Variants in NCAM2 observed in about 807,000 individuals in gnomAD.
NCAM2 encodes the protein N-CAM-2.
Under a neutral mutation model 98.1 loss-of-function variants are expected in NCAM2, and 30 were observed. The observed-to-expected ratio is 0.31, with a 90% CI of 0.23 to 0.41. The LOEUF (loss-of-function observed/expected upper bound fraction) is 0.41. Ranked by LOEUF, NCAM2 falls within the 10% of genes least tolerant of loss-of-function variation. NCAM2 has a pLI of 1.00. For missense variants in NCAM2, 867 were observed against 1,005.8 expected (o/e 0.86, Z 1.87); for synonymous variants, 368 against 342.4 (o/e 1.07, Z -0.83).
At chr21:21,513,373 T>C (rs911274690) in intron 16 of NCAM2, among the ~76,000 whole-genome samples, 5 of 152,140 alleles carry the variant, frequency 3.3e-5, no homozygotes, top group Non-Finnish European at 7.4e-5. Flanking sequence ...CAGTATCCAA[T>C]AGGTTTTGGT....
At chr21:21,255,624 T>C (rs1449573109) in intron 1 of NCAM2, among the ~76,000 whole-genome samples, 2 of 152,202 alleles carry the variant, frequency 1.3e-5, no homozygotes, top group Non-Finnish European at 2.9e-5. Context: ...ATAATCGACT[T>C]CTCATATTTC....
At chr21:21,466,906 G>C (rs1983753929) in intron 13 of NCAM2, among the ~76,000 whole-genome samples, 181 bp downstream of exon 13, 2 of 151,926 alleles carry the variant, frequency 1.3e-5, no homozygotes, top group Admixed American at 6.6e-5. Flanking sequence ...CTTTGCTTTA[G>C]AGCAAGGCAG....
chr21:21,434,007 C>T (rs934408971), intron 12 of NCAM2, among the ~76,000 whole-genome samples: 24 of 152,142 alleles, frequency 1.6e-4, no homozygotes, highest in African/African-American at 5.5e-4. Context: ...AATAGGCTCC[C>T]TCCAGACTTC....
In NCAM2 at chr21:21,284,183, G is replaced by C. The variant is rs1472974797; in HGVS notation, c.131-11G>C. The C allele has an allele frequency of 2.5e-6, 4 of 1,596,658 alleles. No individual in the cohort carries two copies. The highest frequency in any genetic ancestry group is 2.7e-5 in the African/African-American group (2 of 74,472). The stretch of plus-strand genomic sequence containing the variant: ...AATTTTCAAACCTTTATTTTCCATG[G>C]CTCTTTGCAGCGATTGGTGAACCTG... On this transcript the variant is annotated splice_polypyrimidine_tract_variant and intron_variant, in intron 2 of 17. Transcript: ENST00000400546.
intron 8 of NCAM2, among the ~76,000 whole-genome samples, chr21:21,365,509 G>T (rs1478529298): frequency 6.6e-6 from 1 of 151,472 alleles, no homozygotes; most frequent in African/African-American, 2.4e-5. Flanking sequence ...ACAATGTCTG[G>T]CATAAAATTA....
intron 9 of NCAM2, 27 bp from the exon 10 acceptor site, chr21:21,410,247 T>C (rs1464868175): frequency 8.1e-7 from 1 of 1,236,212 alleles, no homozygotes; most frequent in Admixed American, 2.8e-5. Context: ...AAAATGCCTA[T>C]AATTATTTTA....
At chr21:21,312,308 T>A (rs1021802324) in intron 5 of NCAM2, among the ~76,000 whole-genome samples, 9 of 151,556 alleles carry the variant, frequency 5.9e-5, no homozygotes, top group African/African-American at 2.2e-4. Flanking sequence ...TAATTGAGTA[T>A]TGATTAATAT....
rs71321795 is a variant in NCAM2 at position 21,509,086 on chromosome 21, T to C, written c.2282+31T>C. On this transcript the variant is annotated intron_variant, in intron 16 of 17. Coordinates refer to ENST00000400546, the MANE Select transcript of NCAM2 (RefSeq NM_004540.5). ...TATCAGGCATCTACATCATGTCATA[T>C]TAAACAAGCGCCACAGTCAAGCTCG... 9.7e-3 allele frequency: 15,544 copies of C among 1,609,152 alleles called. 138 individuals carry two copies. Among genetic ancestry groups the C allele is most frequent in the Middle Eastern group, 0.027 (147 of 5,356 alleles).
intron 16 of NCAM2, among the ~76,000 whole-genome samples, chr21:21,532,389 T>G (rs1399028874): frequency 6.6e-6 from 1 of 152,024 alleles, no homozygotes; most frequent in Non-Finnish European, 1.5e-5. Flanking sequence ...GGAAAAAAAT[T>G]AATGTAATAA....
chr21:21,126,345 G>A (rs957103697), intron 1 of NCAM2, among the ~76,000 whole-genome samples: 4 of 150,596 alleles, frequency 2.7e-5, no homozygotes, highest in African/African-American at 9.7e-5. Flanking sequence ...TTTGTAACAT[G>A]GTGAAATACA....
chr21:21,193,418 A>G (rs2068891259), intron 1 of NCAM2, among the ~76,000 whole-genome samples: 1 of 152,108 alleles, frequency 6.6e-6, no homozygotes, highest in African/African-American at 2.4e-5. Flanking sequence ...TTGTGGTCAT[A>G]ACAGGGAAAA....
At chr21:21,109,348 A>G (rs1023544944) in intron 1 of NCAM2, among the ~76,000 whole-genome samples, 3 of 152,160 alleles carry the variant, frequency 2.0e-5, no homozygotes, top group African/African-American at 7.2e-5. Context: ...TATAAAAGGT[A>G]GCTAAATCCA....
At chr21:21,162,761 A>G (rs1475036457) in intron 1 of NCAM2, among the ~76,000 whole-genome samples, 1 of 152,140 alleles carries the variant, frequency 6.6e-6, no homozygotes, top group Non-Finnish European at 1.5e-5. Flanking sequence ...GACCTGTAAA[A>G]AAAACCTGTC....
chr21:21,167,888 A>T (rs563609958), intron 1 of NCAM2, among the ~76,000 whole-genome samples: 8 of 152,250 alleles, frequency 5.3e-5, no homozygotes, highest in Middle Eastern at 3.4e-3. Context: ...TGAAGGAAGT[A>T]ATTACACTAA....
At chr21:21,385,525 G>T (rs527852579) in intron 9 of NCAM2, 9 of 585,270 alleles carry the variant, frequency 1.5e-5, no homozygotes, top group Non-Finnish European at 2.3e-5. Context: ...GATAGAAGCC[G>T]CATTTACTGT....
At chr21:21,449,396 C>G (rs1051168562) in intron 12 of NCAM2, among the ~76,000 whole-genome samples, 1 of 151,604 alleles carries the variant, frequency 6.6e-6, no homozygotes, top group Non-Finnish European at 1.5e-5. Context: ...TAGAGCTCAT[C>G]TGACTGCTCA....
intron 1 of NCAM2, among the ~76,000 whole-genome samples, chr21:21,181,995 C>T (rs1450715061): frequency 1.3e-5 from 2 of 150,028 alleles, no homozygotes; most frequent in African/African-American, 4.9e-5. Context: ...GAGTTTGAGA[C>T]CAGCCTGGGC....
intron 1 of NCAM2, among the ~76,000 whole-genome samples, chr21:21,041,142 T>C (rs1284968898): frequency 6.6e-6 from 1 of 152,192 alleles, no homozygotes; most frequent in Admixed American, 6.5e-5. Context: ...GAGCTATCAA[T>C]TGAAAAGGGT....
chr21:21,208,202 A>C (rs553359973), intron 1 of NCAM2, among the ~76,000 whole-genome samples: 12 of 152,336 alleles, frequency 7.9e-5, no homozygotes, highest in African/African-American at 2.6e-4. Context: ...AAATACTTCC[A>C]AGGTATAAAT....
Sources: allele counts gnomAD v4.1 joint callset (sites outside exome capture counted in the v4.1 genomes callset), GRCh38; gene constraint gnomAD v4.1.1; transcripts MANE v1.5; gene names NCBI Gene and HGNC (gene_info 2026-07-23, HGNC 2026-07-21).